AGBL4: variants seen among roughly 807,000 people sequenced by gnomAD.
The protein encoded by AGBL4 is cytosolic carboxypeptidase 6.
A neutral mutation model predicts 66.4 loss-of-function variants in AGBL4; 58 were observed. The ratio of observed to expected loss-of-function variants is 0.87; its 90% confidence interval spans 0.71 to 1.09. The LOEUF (loss-of-function observed/expected upper bound fraction) is 1.09, where lower values mean the gene tolerates loss of function less well. Among genes scored for constraint, AGBL4 ranks in the 50% least tolerant of loss-of-function variants. The pLI is 0.00. For missense variants in AGBL4, 579 were observed against 631.0 expected (o/e 0.92, Z 0.88); for synonymous variants, 234 against 222.9 (o/e 1.05, Z -0.44).
intron 3 of AGBL4, among the ~76,000 whole-genome samples, chr1:49,396,076 CAG>C (rs1233291421): frequency 6.6e-6 from 1 of 151,452 alleles, no homozygotes; most frequent in African/African-American, 2.4e-5. Context: ...TGTGCTGCAT[CAG>C]AGTTACTTTT....
intron 5 of AGBL4, among the ~76,000 whole-genome samples, chr1:48,982,771 T>C (rs908083548): frequency 1.1e-4 from 16 of 152,156 alleles, no homozygotes; most frequent in African/African-American, 3.9e-4. Flanking sequence ...CCTGAGGAAT[T>C]GCCACACTGA....
chr1:49,983,827 T>C (rs540603412), intron 1 of AGBL4, among the ~76,000 whole-genome samples: 23 of 152,244 alleles, frequency 1.5e-4, no homozygotes, highest in Admixed American at 3.3e-4. Context: ...CATTTCACTG[T>C]GACTCCCAGT....
In AGBL4 at chr1:48,738,368, C is replaced by T. The variant is rs182636590; in HGVS notation, c.635-75127G>A. ...ACTTCAGTACTGCAAATCTGTTCAT[C>T]CGCTCAGGAAAGATAAGCAGCCTTG... On this transcript the variant is annotated intron_variant, in intron 6 of 13. Coordinates refer to ENST00000371839, the MANE Select transcript of AGBL4 (RefSeq NM_032785.4). Among the ~76,000 whole-genome samples, 16 of 152,332 alleles carry T rather than the reference C, an allele frequency of 1.1e-4. No homozygotes were observed. In the East Asian group the frequency reaches 2.9e-3, roughly 28 times the overall value.
intron 5 of AGBL4, among the ~76,000 whole-genome samples, chr1:48,987,792 G>T (rs960407934): frequency 6.6e-6 from 1 of 152,004 alleles, no homozygotes; most frequent in African/African-American, 2.4e-5. Flanking sequence ...AAACCTGATG[G>T]AATCTACATA....
At chr1:49,950,363 C>T (rs908190033) in intron 1 of AGBL4, among the ~76,000 whole-genome samples, 1 of 150,750 alleles carries the variant, frequency 6.6e-6, no homozygotes, top group African/African-American at 2.4e-5. Flanking sequence ...AGGATGCAAA[C>T]GCATAAATAA....
chr1:49,243,897 C>T (rs1187036985), intron 4 of AGBL4, among the ~76,000 whole-genome samples: 1 of 151,814 alleles, frequency 6.6e-6, no homozygotes, highest in East Asian at 1.9e-4. Flanking sequence ...TAGGCTCTTT[C>T]AGACCATTAG....
rs1924647 is a variant in AGBL4 at position 49,151,718 on chromosome 1, G to C, written c.377+94052C>G. 7.0e-4 allele frequency among the ~76,000 whole-genome samples: 106 copies of C among 152,238 alleles called. 1 individual carries two copies. In the South Asian group the frequency reaches 0.022, roughly 31 times the overall value. ...ACTTCAGGAAATACTGTATGCACTG[G>C]TCCCCTCTGAAGAATTACAACGTGT... On this transcript the variant is annotated intron_variant, in intron 4 of 13. Coordinates refer to ENST00000371839, the MANE Select transcript of AGBL4 (RefSeq NM_032785.4).
In AGBL4 at chr1:49,571,293, A is replaced by G. The variant is rs564956592; in HGVS notation, c.282+126020T>C. Reference sequence around the variant, plus strand: ...AGTGTATTGTGGTTTTCCTTATAGAAATTTTTCACTTCCTTGCTTAGATGG... The same window carrying G: ...AGTGTATTGTGGTTTTCCTTATAGAGATTTTTCACTTCCTTGCTTAGATGG... On this transcript the variant is annotated intron_variant, in intron 3 of 13. Coordinates refer to ENST00000371839, the MANE Select transcript of AGBL4 (RefSeq NM_032785.4). 4.0e-5 allele frequency among the ~76,000 whole-genome samples: 6 copies of G among 151,836 alleles called. No homozygotes were observed. In the East Asian group the frequency reaches 1.2e-3, roughly 29 times the overall value.
At chr1:48,640,877 C>T (rs1353351091) in intron 8 of AGBL4, among the ~76,000 whole-genome samples, 1 of 152,178 alleles carries the variant, frequency 6.6e-6, no homozygotes, top group Non-Finnish European at 1.5e-5. Flanking sequence ...GACATCATGC[C>T]TTATCGCTAT....
At chr1:48,860,335 T>C (rs1393771352) in intron 6 of AGBL4, among the ~76,000 whole-genome samples, 1 of 152,226 alleles carries the variant, frequency 6.6e-6, no homozygotes, top group Non-Finnish European at 1.5e-5. Context: ...AACTATATTG[T>C]TGGGCTCCAT....
At chr1:49,861,249 A>C (rs554606597) in intron 1 of AGBL4, among the ~76,000 whole-genome samples, 1 of 152,270 alleles carries the variant, frequency 6.6e-6, no homozygotes, top group East Asian at 1.9e-4. Flanking sequence ...ACTAGGCCAG[A>C]GACATTGGAC....
chr1:48,879,475 A>G (rs1247613518), intron 5 of AGBL4, among the ~76,000 whole-genome samples: 1 of 152,210 alleles, frequency 6.6e-6, no homozygotes, highest in Non-Finnish European at 1.5e-5. Flanking sequence ...TTGTATAGAC[A>G]AGAATTAGAA....
intron 3 of AGBL4, among the ~76,000 whole-genome samples, chr1:49,331,182 C>T (rs1645326033): frequency 6.6e-6 from 1 of 152,090 alleles, no homozygotes; most frequent in African/African-American, 2.4e-5. Context: ...TTACTTACTC[C>T]TACCCCAGGA....
intron 3 of AGBL4, among the ~76,000 whole-genome samples, chr1:49,552,034 G>C (rs1229596264): frequency 6.6e-6 from 1 of 152,126 alleles, no homozygotes; most frequent in Non-Finnish European, 1.5e-5. Context: ...TCATGGTGTA[G>C]GAGGATTATG....
intron 4 of AGBL4, among the ~76,000 whole-genome samples, chr1:49,107,734 A>AGAGAGG (rs1367608275): frequency 7.3e-6 from 1 of 137,216 alleles, no homozygotes; most frequent in African/African-American, 2.6e-5. Flanking sequence ...AGAGAGAGAG[A>AGAGAGG]GACAATATTT....
At chr1:49,749,368 T>C (rs1047973042) in intron 2 of AGBL4, among the ~76,000 whole-genome samples, 12 of 152,156 alleles carry the variant, frequency 7.9e-5, no homozygotes, top group Non-Finnish European at 7.4e-5. Flanking sequence ...GGTCTACATA[T>C]CTGTTTTGGT....
At chr1:49,967,175 C>G (rs1657634315) in intron 1 of AGBL4, among the ~76,000 whole-genome samples, 1 of 152,110 alleles carries the variant, frequency 6.6e-6, no homozygotes. Context: ...TCTGTTGTTT[C>G]CTGACTTTTA....
At chr1:49,767,022 A>G (rs1652781174) in intron 2 of AGBL4, among the ~76,000 whole-genome samples, 1 of 152,158 alleles carries the variant, frequency 6.6e-6, no homozygotes, top group Non-Finnish European at 1.5e-5. Context: ...TCAACACCCC[A>G]CTGAGAGTAC....
intron 6 of AGBL4, among the ~76,000 whole-genome samples, chr1:48,728,693 C>T (rs1647609501): frequency 6.6e-6 from 1 of 152,176 alleles, no homozygotes; most frequent in Non-Finnish European, 1.5e-5. Flanking sequence ...AGAAATTCTC[C>T]AGTATCAGCC....
Sources: allele counts gnomAD v4.1 joint callset (sites outside exome capture counted in the v4.1 genomes callset), GRCh38; gene constraint gnomAD v4.1.1; transcripts MANE v1.5; gene names NCBI Gene and HGNC (gene_info 2026-07-23, HGNC 2026-07-21).